The following SPHKAP variants were observed in gnomAD, a reference collection of about 807,000 sequenced individuals.
The protein encoded by SPHKAP is A-kinase anchor protein SPHKAP.
A neutral mutation model predicts 137.5 loss-of-function variants in SPHKAP; 67 were observed. The observed-to-expected ratio is 0.49, with a 90% CI of 0.40 to 0.60. SPHKAP has a LOEUF of 0.60. Among genes scored for constraint, SPHKAP ranks in the 20% least tolerant of loss-of-function variants. The pLI is 0.00. For missense variants in SPHKAP, 2,097 were observed against 2,069.3 expected (o/e 1.01, Z -0.26); for synonymous variants, 813 against 785.3 (o/e 1.04, Z -0.59).
intron 7 of SPHKAP, among the ~76,000 whole-genome samples, chr2:228,002,247 T>G (rs954827079): frequency 5.3e-5 from 8 of 152,198 alleles, no homozygotes; most frequent in Non-Finnish European, 1.2e-4. Flanking sequence ...TCCTGACTTT[T>G]TAATGATTGC....
At chr2:228,040,885 A>ATATT (rs1695813290) in intron 3 of SPHKAP, among the ~76,000 whole-genome samples, 1 of 152,186 alleles carries the variant, frequency 6.6e-6, no homozygotes, top group Non-Finnish European at 1.5e-5. Context: ...GTAACACATT[A>ATATT]TATTTATTTT....
chr2:228,047,492 A>G (rs887590922), intron 3 of SPHKAP, among the ~76,000 whole-genome samples: 3 of 151,894 alleles, frequency 2.0e-5, no homozygotes, highest in African/African-American at 7.3e-5. Context: ...ACAAAAAACA[A>G]CCTGGTTCAA....
intron 1 of SPHKAP, among the ~76,000 whole-genome samples, chr2:228,160,781 A>G (rs1417918901): frequency 6.6e-6 from 1 of 152,230 alleles, no homozygotes; most frequent in Non-Finnish European, 1.5e-5. Context: ...GAGTTAATAA[A>G]TACTTATTTT....
At chr2:228,113,649 CTG>C (rs1553542548) in intron 2 of SPHKAP, among the ~76,000 whole-genome samples, 5 of 138,438 alleles carry the variant, frequency 3.6e-5, no homozygotes, top group Non-Finnish European at 7.8e-5. Context: ...CTCTCTCTCT[CTG>C]AGCTCAGGTG....
chr2:228,173,816 G>A (rs1320790742), intron 1 of SPHKAP, among the ~76,000 whole-genome samples: 2 of 152,150 alleles, frequency 1.3e-5, no homozygotes, highest in Non-Finnish European at 2.9e-5. Context: ...GCAATACGAT[G>A]CCTTTATGTT....
rs189432954 is a variant in SPHKAP at position 228,150,480 on chromosome 2, C to T, written c.33-18395G>A. Reference sequence around the variant, plus strand: ...TGTAGACTATTCGTGGTTTCCATTTCTTCTTGAGTTACTTTAGTAAGTTAT... The same window carrying T: ...TGTAGACTATTCGTGGTTTCCATTTTTTCTTGAGTTACTTTAGTAAGTTAT... On this transcript the variant is annotated intron_variant, in intron 1 of 11. Transcript: ENST00000392056. Among the ~76,000 whole-genome samples, 41 of 152,186 alleles carry T rather than the reference C, an allele frequency of 2.7e-4. 1 individual carries two copies. The highest frequency in any genetic ancestry group is 8.9e-4 in the African/African-American group (37 of 41,540).
intron 3 of SPHKAP, among the ~76,000 whole-genome samples, chr2:228,038,493 T>G (rs945264660): frequency 6.6e-6 from 1 of 152,222 alleles, no homozygotes; most frequent in African/African-American, 2.4e-5. Flanking sequence ...TAGGGCTGCA[T>G]GCTGGAGCCA....
chr2:228,120,094 A>G (rs1413180795), intron 2 of SPHKAP, among the ~76,000 whole-genome samples: 1 of 152,148 alleles, frequency 6.6e-6, no homozygotes, highest in Non-Finnish European at 1.5e-5. Flanking sequence ...AATTTACCAG[A>G]TCAAAGGTGT....
Position 228,141,335 on chromosome 2 carries a change from A to T in SPHKAP, c.33-9250T>A, listed in dbSNP as rs144513505. On this transcript the variant is annotated intron_variant, in intron 1 of 11. Transcript: ENST00000392056. ...GTCATGAGATGGTTGTGGTGGTTTCATGGTGCTATTTCCTGTAAAGGAGTC... is the reference window on the plus strand; with the variant it reads ...GTCATGAGATGGTTGTGGTGGTTTCTTGGTGCTATTTCCTGTAAAGGAGTC... Among the ~76,000 whole-genome samples the T allele has an allele frequency of 1.7e-3, 255 of 152,314 alleles. 1 individual carries two copies. The highest frequency in any genetic ancestry group is 5.7e-3 in the African/African-American group (239 of 41,580).
Position 228,181,474 on chromosome 2 carries a change from C to A in SPHKAP, c.32+93G>T. On this transcript the variant is annotated intron_variant, in intron 1 of 11. Coordinates refer to ENST00000392056, the MANE Select transcript of SPHKAP (RefSeq NM_001142644.2). The surrounding 1 kb of genome is among the most constrained non-coding windows in gnomAD (Gnocchi z 4.3). ...CTCCTCGCTGGGAGCCCCGTGCAAA[C>A]CGAAGCGCTCTGGGGCAAGTTGGTG... 1 of 1,582,502 alleles carries A rather than the reference C, an allele frequency of 6.3e-7. No homozygotes were observed. The highest frequency in any genetic ancestry group is 8.7e-7 in the Non-Finnish European group (1 of 1,151,524).
chr2:228,013,033 T>A (rs998913834), intron 7 of SPHKAP, among the ~76,000 whole-genome samples: 2 of 152,216 alleles, frequency 1.3e-5, no homozygotes, highest in Non-Finnish European at 1.5e-5. Context: ...CCTCCCCATC[T>A]CCAAACAAAA....
chr2:228,016,969 T>G lies in SPHKAP; in HGVS notation c.3885A>C (p.Arg1295Ser), dbSNP rs757789031. Residue 1295 changes from arginine to serine, a missense_variant, in exon 7 of 12, where the codon AGA becomes AGC. By Grantham distance (110) the Arg-to-Ser change is moderately radical. Coordinates refer to ENST00000392056, the MANE Select transcript of SPHKAP (RefSeq NM_001142644.2). ...LCKSDSCLYR[R>S]GGTDHITNML... The stretch of plus-strand genomic sequence containing the variant: ...TGTTGGTGATGTGGTCAGTCCCACC[T>G]CTCCGATACAAGCAAGAGTCAGATT... The G allele has an allele frequency of 1.3e-5, 21 of 1,613,940 alleles. No individual in the cohort carries two copies. The highest frequency in any genetic ancestry group is 1.7e-5 in the Non-Finnish European group (20 of 1,180,010).
chr2:228,109,954 C>G (rs1250477236), intron 2 of SPHKAP, among the ~76,000 whole-genome samples: 9 of 21,986 alleles, frequency 4.1e-4, no homozygotes, highest in African/African-American at 4.5e-4. Flanking sequence ...GTGAAAATGT[C>G]TCAAAAAAAA....
chr2:228,135,342 TC>T (rs1298559357), intron 1 of SPHKAP, among the ~76,000 whole-genome samples: 1 of 147,188 alleles, frequency 6.8e-6, no homozygotes, highest in Non-Finnish European at 1.5e-5. Context: ...AGAAATCACA[TC>T]TAAATTGGGC....
rs140937735 is a variant in SPHKAP at position 228,019,704 on chromosome 2, C to G, written c.1150G>C (p.Gly384Arg). 216 of 1,614,202 alleles carry G rather than the reference C, an allele frequency of 1.3e-4. No individual in the cohort carries two copies. Among genetic ancestry groups the G allele is most frequent in the Middle Eastern group, 3.3e-4 (2 of 6,062 alleles). The change falls in exon 7 of 12, where the codon GGA becomes CGA. Residue 384 changes from glycine to arginine, a missense_variant. Physicochemically the swap from Gly to Arg is moderately radical, Grantham distance 125 (BLOSUM62 -2). Coordinates refer to ENST00000392056, the MANE Select transcript of SPHKAP (RefSeq NM_001142644.2). ...GCATACTTGCCAGTGGTGACTTCTC[C>G]ATCTTGTCTAGGAGGGAGAGCGTTT... ...TRNALPPRQDGEVTTGKYATN... is the reference protein window; with the variant it reads ...TRNALPPRQDREVTTGKYATN...
chr2:228,074,908 C>T (rs537916682), intron 3 of SPHKAP, among the ~76,000 whole-genome samples: 50 of 151,910 alleles, frequency 3.3e-4, no homozygotes, highest in Middle Eastern at 3.4e-3. Flanking sequence ...ACATGTATTC[C>T]TGCCAATCAA....
intron 3 of SPHKAP, among the ~76,000 whole-genome samples, chr2:228,061,546 A>G (rs1478851810): frequency 6.6e-6 from 1 of 152,134 alleles, no homozygotes; most frequent in Non-Finnish European, 1.5e-5. Flanking sequence ...TGCTAGGATT[A>G]CAGGCATGAG....
At chr2:228,128,919 C>T (rs1284920042) in intron 2 of SPHKAP, among the ~76,000 whole-genome samples, 1 of 152,010 alleles carries the variant, frequency 6.6e-6, no homozygotes, top group Non-Finnish European at 1.5e-5. Context: ...CTTTGTTATT[C>T]CATTTATAGA....
intron 3 of SPHKAP, among the ~76,000 whole-genome samples, chr2:228,070,174 T>A (rs1696960840): frequency 6.6e-6 from 1 of 152,218 alleles, no homozygotes; most frequent in South Asian, 2.1e-4. Flanking sequence ...ACCAAAAGCC[T>A]TACTGATAAC....
Sources: allele counts gnomAD v4.1 joint callset (sites outside exome capture counted in the v4.1 genomes callset), GRCh38; gene constraint gnomAD v4.1.1; non-coding constraint Gnocchi (gnomAD v3.1); transcripts MANE v1.5; gene names NCBI Gene and HGNC (gene_info 2026-07-23, HGNC 2026-07-21).